NREP: variants seen among roughly 807,000 people sequenced by gnomAD.
NREP encodes the protein neuronal regeneration related protein.
In NREP, 5 loss-of-function variants were observed where a neutral mutation model predicts 8.6. That is an observed-to-expected ratio of 0.58 (90% CI 0.30 to 1.22). The LOEUF is 1.22. Ranked by LOEUF, NREP falls within the 50% of genes most tolerant of loss-of-function variation. The probability of loss-of-function intolerance (pLI) is 0.07; values close to 1 mark genes in which losing one functional copy is unlikely to be tolerated. For synonymous variants in NREP, 27 were observed against 28.0 expected (o/e 0.96, Z 0.11); for missense variants, 86 against 82.5 (o/e 1.04, Z -0.17).
At chr5:111,950,291 T>A (rs911260016) in intron 2 of NREP, among the ~76,000 whole-genome samples, 1 of 152,082 alleles carries the variant, frequency 6.6e-6, no homozygotes, top group Admixed American at 6.6e-5. Flanking sequence ...AAACAAGCAA[T>A]GGGGAAAGGA....
At chr5:111,855,316 T>A (rs924963150) in intron 2 of NREP, among the ~76,000 whole-genome samples, 10 of 152,182 alleles carry the variant, frequency 6.6e-5, no homozygotes, top group Admixed American at 5.2e-4. Flanking sequence ...AAAATAGAAA[T>A]AAAATGCTTA....
upstream of NREP, chr5:111,758,298 C>A (rs1581095177): frequency 1.0e-6 from 1 of 975,594 alleles, no homozygotes; most frequent in Non-Finnish European, 1.2e-6. Flanking sequence ...AAGACATACT[C>A]CCCTGGTGCT....
intron 2 of NREP, among the ~76,000 whole-genome samples, chr5:111,899,797 G>C (rs62370263): frequency 6.6e-6 from 1 of 152,102 alleles, no homozygotes; most frequent in Admixed American, 6.6e-5. Context: ...CCCAACACTA[G>C]AGCATGTAGA....
rs188207357 is a variant in NREP, at chr5:111,772,104, A to G, written c.136-36597T>C. ...ACTGGAAGATTCTCCAAATTCCTTC[A>G]GTACTAACATTCTAAAATCCTATAA... On this transcript the variant is annotated intron_variant, in intron 2 of 3. Transcript: ENST00000395634. 2.2e-3 allele frequency among the ~76,000 whole-genome samples: 330 copies of G among 152,346 alleles called. 2 individuals carry two copies. Among genetic ancestry groups the G allele is most frequent in the African/African-American group, 7.6e-3 (316 of 41,580 alleles).
intron 2 of NREP, among the ~76,000 whole-genome samples, chr5:111,780,373 G>C (rs549263685): frequency 6.0e-4 from 91 of 152,256 alleles, no homozygotes; most frequent in African/African-American, 2.1e-3. Context: ...GCTACTGTGA[G>C]AGAAGAGGCA....
At chr5:111,848,410 A>C (rs1292806036) in intron 2 of NREP, among the ~76,000 whole-genome samples, 1 of 150,562 alleles carries the variant, frequency 6.6e-6, no homozygotes, top group African/African-American at 2.5e-5. Context: ...TGCTTTTGAC[A>C]CTTTCATTTG....
In NREP at chr5:111,851,313, G is replaced by A. The variant is rs566337276; in HGVS notation, c.136-115806C>T. 3.4e-4 allele frequency among the ~76,000 whole-genome samples: 52 copies of A among 152,312 alleles called. 1 individual carries two copies. Among genetic ancestry groups the A allele is most frequent in the African/African-American group, 1.0e-3 (42 of 41,574 alleles). On this transcript the variant is annotated intron_variant, in intron 2 of 3. Transcript: ENST00000395634. ...AAATCCTGCTCATTTTTATGACGTAGTCAAGCTCCATGAAGCCTCCTGCAG... is the reference window on the plus strand; with the variant it reads ...AAATCCTGCTCATTTTTATGACGTAATCAAGCTCCATGAAGCCTCCTGCAG...
intron 2 of NREP, among the ~76,000 whole-genome samples, chr5:111,823,780 T>C (rs1752562484): frequency 6.6e-6 from 1 of 152,202 alleles, no homozygotes; most frequent in African/African-American, 2.4e-5. Context: ...TCAATGTGTC[T>C]TCTGAGTGAA....
At chr5:111,899,356 A>T (rs1754587586) in intron 2 of NREP, among the ~76,000 whole-genome samples, 2 of 152,136 alleles carry the variant, frequency 1.3e-5, no homozygotes, top group South Asian at 4.1e-4. Flanking sequence ...TCTACAGAAC[A>T]TTTAAAAATT....
At chr5:111,781,930 T>G (rs879333443) in intron 2 of NREP, among the ~76,000 whole-genome samples, 1 of 151,898 alleles carries the variant, frequency 6.6e-6, no homozygotes, top group Non-Finnish European at 1.5e-5. Flanking sequence ...AGCTATTTAC[T>G]AACCATGTGA....
rs115128113 is a variant in NREP, at chr5:111,769,776, C to T, written c.136-34269G>A. On this transcript the variant is annotated intron_variant, in intron 2 of 3. Coordinates refer to the NREP transcript ENST00000395634. ...GGGGAAGTGCTACACACTTTTAAAC[C>T]ACCAGATCTTGAGAGAACTCACTTA... Among the ~76,000 whole-genome samples the T allele has an allele frequency of 7.1e-3, 1,088 of 152,208 alleles. 20 individuals are homozygous for T. The highest frequency in any genetic ancestry group is 0.025 in the African/African-American group (1,044 of 41,534).
chr5:111,828,644 C>A (rs1314872853), intron 2 of NREP, among the ~76,000 whole-genome samples: 1 of 151,976 alleles, frequency 6.6e-6, no homozygotes, highest in African/African-American at 2.4e-5. Flanking sequence ...CTATGTAATA[C>A]AAAATCATTA....
chr5:111,873,309 T>C (rs1487327680), intron 2 of NREP, among the ~76,000 whole-genome samples: 2 of 152,154 alleles, frequency 1.3e-5, no homozygotes, highest in Admixed American at 1.3e-4. Flanking sequence ...TAAATTACCA[T>C]AAACTTATGG....
chr5:111,932,372 C>T (rs1755565678), intron 2 of NREP, among the ~76,000 whole-genome samples: 1 of 152,036 alleles, frequency 6.6e-6, no homozygotes, highest in Admixed American at 6.6e-5. Flanking sequence ...ATCCAAAACA[C>T]TATACTCAAA....
chr5:111,853,826 G>C (rs1753363960), intron 2 of NREP, among the ~76,000 whole-genome samples: 1 of 152,088 alleles, frequency 6.6e-6, no homozygotes, highest in African/African-American at 2.4e-5. Context: ...AAGCTTATAA[G>C]TGTGTCCCTC....
At chr5:111,945,891 TAGATTGG>T (rs1389160905) in intron 2 of NREP, among the ~76,000 whole-genome samples, 2 of 152,054 alleles carry the variant, frequency 1.3e-5, no homozygotes, top group African/African-American at 2.4e-5. Flanking sequence ...ACATTTACTG[TAGATTGG>T]CTCACCTTGG....
intron 2 of NREP, among the ~76,000 whole-genome samples, chr5:111,884,355 C>G (rs185008344): frequency 1.2e-3 from 177 of 151,840 alleles, no homozygotes; most frequent in South Asian, 9.0e-3. Context: ...CAAAAAGAGT[C>G]CAGGACCAGA....
At chr5:111,926,694 T>C (rs1755395163) in intron 2 of NREP, among the ~76,000 whole-genome samples, 1 of 151,966 alleles carries the variant, frequency 6.6e-6, no homozygotes, top group Non-Finnish European at 1.5e-5. Context: ...AGATGGTTTG[T>C]TACCCATCTA....
At chr5:111,832,211 G>A (rs1438024664) in intron 2 of NREP, among the ~76,000 whole-genome samples, 1 of 152,036 alleles carries the variant, frequency 6.6e-6, no homozygotes, top group African/African-American at 2.4e-5. Flanking sequence ...ACATTAATGA[G>A]CTATGTCTTT....
Sources: allele counts gnomAD v4.1 joint callset (sites outside exome capture counted in the v4.1 genomes callset), GRCh38; gene constraint gnomAD v4.1.1; transcripts MANE v1.5; gene names NCBI Gene and HGNC (gene_info 2026-07-23, HGNC 2026-07-21).